ATP5F1C: variants seen among roughly 807,000 people sequenced by gnomAD.
ATP5F1C encodes the protein ATP synthase F(1) complex subunit gamma, mitochondrial.
Under a neutral mutation model 37.4 loss-of-function variants are expected in ATP5F1C, and 22 were observed. The ratio of observed to expected loss-of-function variants is 0.59; its 90% CI spans 0.42 to 0.84. The LOEUF (loss-of-function observed/expected upper bound fraction) is 0.84, where lower values mean the gene tolerates loss of function less well. Ranked by LOEUF, ATP5F1C falls within the 40% of genes least tolerant of loss-of-function variation. ATP5F1C has a pLI of 0.00. For synonymous variants in ATP5F1C, 121 were observed against 128.0 expected, an observed-to-expected ratio of 0.95 and a Z score of 0.37; for missense variants, 286 against 362.4, an observed-to-expected ratio of 0.79 and a Z score of 1.71.
intron 1 of ATP5F1C, among the ~76,000 whole-genome samples, chr10:7,793,430 C>CAG (rs1836192947): frequency 1.3e-5 from 2 of 152,212 alleles, no homozygotes; most frequent in South Asian, 4.1e-4. Flanking sequence ...TGTTGATCTT[C>CAG]TTTGGTGAAG....
intron 1 of ATP5F1C, among the ~76,000 whole-genome samples, chr10:7,794,127 C>T (rs1380026517): frequency 2.0e-5 from 3 of 152,124 alleles, no homozygotes; most frequent in African/African-American, 4.8e-5. Flanking sequence ...TCATTTTAAC[C>T]ATACAATTGT....
intron 1 of ATP5F1C, among the ~76,000 whole-genome samples, chr10:7,792,525 CA>C (rs1836178822): frequency 6.6e-6 from 1 of 152,228 alleles, no homozygotes; most frequent in African/African-American, 2.4e-5. Context: ...CTACTCTCCC[CA>C]AAACCCTGAC....
intron 1 of ATP5F1C, among the ~76,000 whole-genome samples, chr10:7,789,910 T>C (rs903194791): frequency 6.6e-6 from 1 of 152,234 alleles, no homozygotes; most frequent in Non-Finnish European, 1.5e-5. Context: ...ACAACTACTG[T>C]TAGGAGCTTA....
At chr10:7,804,380 G>A (rs904612764) in intron 8 of ATP5F1C, among the ~76,000 whole-genome samples, 1 of 152,130 alleles carries the variant, frequency 6.6e-6, no homozygotes, top group South Asian at 2.1e-4. Flanking sequence ...CATTTCTCAC[G>A]TCCTTGAACC....
In ATP5F1C at chr10:7,799,787, G is replaced by A. The variant is rs1412897463; in HGVS notation, c.444G>A (p.Gln148=). The A allele has an allele frequency of 6.2e-7, 1 of 1,614,128 alleles. No homozygotes were observed. The highest frequency in any genetic ancestry group is 2.2e-5 in the East Asian group (1 of 44,878). Residue 148 remains glutamine (Q), a synonymous_variant, in exon 5 of 10, where the codon CAG becomes CAA. Transcript: ENST00000356708. ...RGILYRTHSD[Q]FLVAFKEVGR... is the part of the protein sequence containing the mutation. ...TTTCTTATAGGACTCATTCTGACCA[G>A]TTTCTGGTGGCATTCAAAGAAGTGG...
rs558886957 is a variant in ATP5F1C at position 7,799,175 on chromosome 10, A to G, written c.409A>G (p.Ile137Val). Reference sequence around the variant, plus strand: ...TATGCTTGTTGGAATTGGTGACAAAATCAGAGGCATACTTTATAGGTAATT... The same window carrying G: ...TATGCTTGTTGGAATTGGTGACAAAGTCAGAGGCATACTTTATAGGTAATT... ...EVMLVGIGDK[I>V]RGILYRTHSD... The change falls in exon 4 of 10, where the codon ATC becomes GTC. Residue 137 changes from isoleucine (I) to valine (V), a missense_variant. Coordinates refer to ENST00000356708, the MANE Select transcript of ATP5F1C (RefSeq NM_001001973.3). 1.5e-5 allele frequency: 25 copies of G among 1,613,980 alleles called. No individual in the cohort carries two copies. The African/African-American group carries it at 1.7e-4, about 11-fold the overall frequency.
At chr10:7,796,945 C>T (rs1299849702) in intron 2 of ATP5F1C, 102 bp from the exon 3 acceptor site, 22 of 1,254,724 alleles carry the variant, frequency 1.8e-5, no homozygotes, top group East Asian at 2.5e-5. Context: ...TTTATCTAAG[C>T]GCTCATTATT....
At chr10:7,788,961 C>T (rs1410030117) in intron 1 of ATP5F1C, among the ~76,000 whole-genome samples, 1 of 151,776 alleles carries the variant, frequency 6.6e-6, no homozygotes, top group Admixed American at 6.6e-5. Flanking sequence ...ATGAAATTGC[C>T]CCCAGGTCCT....
In ATP5F1C at chr10:7,796,880, G is replaced by A. The variant is rs536768935; in HGVS notation, c.92-167G>A. On this transcript the variant is annotated intron_variant, in intron 2 of 9. Coordinates refer to ENST00000356708, the MANE Select transcript of ATP5F1C (RefSeq NM_001001973.3). ...ATTACAGGCGTGAGCCACCGTGCCC[G>A]GCTATTAGTACTAGTTCTAATATTA... 2.4e-5 allele frequency: 17 copies of A among 719,234 alleles called. No homozygotes were observed. The Middle Eastern group carries it at 1.2e-3, about 52-fold the overall frequency. 44.6% of individuals were successfully genotyped at this position (719,234 alleles called of 1,614,324 possible).
At position 7,798,976 on chromosome 10, in the gene ATP5F1C, T is replaced by G; in HGVS notation, c.224-14T>G. 1 of 1,608,398 alleles carries G rather than the reference T, an allele frequency of 6.2e-7. No individual in the cohort carries two copies. Among genetic ancestry groups the G allele is most frequent in the Non-Finnish European group, 8.5e-7 (1 of 1,178,204 alleles). ...TTGCATATAAAAAAATTACTGCTTTTGTTTGTTTTTAAGCTCTGTATGAAA... is the reference window on the plus strand; with the variant it reads ...TTGCATATAAAAAAATTACTGCTTTGGTTTGTTTTTAAGCTCTGTATGAAA... On this transcript the variant is annotated splice_polypyrimidine_tract_variant and intron_variant, in intron 3 of 9. Coordinates refer to ENST00000356708, the MANE Select transcript of ATP5F1C (RefSeq NM_001001973.3).
chr10:7,792,519 T>G (rs1836178698), intron 1 of ATP5F1C, among the ~76,000 whole-genome samples: 1 of 152,134 alleles, frequency 6.6e-6, no homozygotes, highest in Non-Finnish European at 1.5e-5. Flanking sequence ...CCTCCTCTAC[T>G]CTCCCCAAAA....
intron 6 of ATP5F1C, among the ~76,000 whole-genome samples, chr10:7,800,294 C>T (rs1459767919): frequency 1.3e-5 from 2 of 152,104 alleles, no homozygotes; most frequent in African/African-American, 4.8e-5. Context: ...CTCCTGGGTT[C>T]ACACCATTCT....
rs1836397312 is a variant in ATP5F1C, at chr10:7,802,854, TGTGA to T, written c.890+3_890+6del. On this transcript the variant is annotated splice_donor_variant and splice_donor_region_variant and intron_variant, in intron 8 of 9. Coordinates refer to ENST00000356708, the MANE Select transcript of ATP5F1C (RefSeq NM_001001973.3). LOFTEE classifies it high-confidence loss of function. Reference sequence around the variant, plus strand: ...GAAATTATCTCTGGTGCTGCAGCTCTGTGAGTAATTGTAGATTGTCGCCTTCAGA... The same window carrying T: ...GAAATTATCTCTGGTGCTGCAGCTCTGTAATTGTAGATTGTCGCCTTCAGA... 1.2e-6 allele frequency: 2 copies of T among 1,612,148 alleles called. No homozygotes were observed. Among genetic ancestry groups the T allele is most frequent in the Non-Finnish European group, 1.7e-6 (2 of 1,179,142 alleles).
intron 1 of ATP5F1C, among the ~76,000 whole-genome samples, chr10:7,791,485 C>T (rs942404343): frequency 2.0e-5 from 3 of 152,134 alleles, no homozygotes; most frequent in Non-Finnish European, 4.4e-5. Context: ...TCTTAATATA[C>T]TCCTTAAAAA....
chr10:7,802,171 C>T, intron 6 of ATP5F1C, 99 bp from the exon 7 acceptor site: 2 of 1,205,594 alleles, frequency 1.7e-6, no homozygotes, highest in Non-Finnish European at 2.3e-6. Context: ...TTAATTTCTG[C>T]TCTGTAATTA....
intron 1 of ATP5F1C, among the ~76,000 whole-genome samples, chr10:7,791,566 A>G (rs1247474709): frequency 1.3e-5 from 2 of 152,202 alleles, no homozygotes; most frequent in Admixed American, 6.5e-5. Context: ...GTCAGCTGTT[A>G]TAACAGCGCT....
intron 1 of ATP5F1C, among the ~76,000 whole-genome samples, chr10:7,789,531 T>G (rs1836124556): frequency 6.6e-6 from 1 of 152,188 alleles, no homozygotes; most frequent in Non-Finnish European, 1.5e-5. Flanking sequence ...TTGTCCCACT[T>G]GTTAACCACT....
chr10:7,799,658 C>A, intron 4 of ATP5F1C, 114 bp from the exon 5 acceptor site: 1 of 1,231,158 alleles, frequency 8.1e-7, no homozygotes, highest in Admixed American at 2.4e-5. Flanking sequence ...TCACCACCAC[C>A]CATACCCCAA....
intron 1 of ATP5F1C, among the ~76,000 whole-genome samples, chr10:7,794,619 T>C (rs1402478650): frequency 6.6e-6 from 1 of 152,158 alleles, no homozygotes; most frequent in Non-Finnish European, 1.5e-5. Context: ...ATTGTATGAT[T>C]TTTTCTTTAA....
Sources: allele counts gnomAD v4.1 joint callset (sites outside exome capture counted in the v4.1 genomes callset), GRCh38; gene constraint gnomAD v4.1.1; transcripts MANE v1.5; gene names NCBI Gene and HGNC (gene_info 2026-07-23, HGNC 2026-07-21).